Variants in SASS6 observed in about 807,000 individuals in gnomAD.
The protein encoded by SASS6 is SAS-6 centriolar assembly protein.
A neutral mutation model predicts 94.9 loss-of-function variants in SASS6; 59 were observed. The ratio of observed to expected loss-of-function variants is 0.62; its 90% CI spans 0.50 to 0.77. SASS6 has a LOEUF of 0.77. SASS6 is among the 30% of genes least tolerant of loss of function. The pLI is 0.00. For synonymous variants in SASS6, 264 were observed against 270.0 expected (o/e 0.98, Z 0.22); for missense variants, 698 against 734.1 (o/e 0.95, Z 0.57).
Position 100,085,591 on chromosome 1 carries a change from T to C in SASS6, c.1812A>G (p.Lys604=). 3 of 1,612,952 alleles carry C rather than the reference T, an allele frequency of 1.9e-6. No homozygotes were observed. Among genetic ancestry groups the C allele is most frequent in the Non-Finnish European group, 2.5e-6 (3 of 1,179,206 alleles). ...NVGLESKYLK[K]REDSIPLRGL... is the part of the protein sequence containing the mutation. Reference sequence around the variant, plus strand: ...CGCGTAAAGGAATGCTATCTTCCCTTTTCTTCAGGTATTTGGATTCCAACC... The same window carrying C: ...CGCGTAAAGGAATGCTATCTTCCCTCTTCTTCAGGTATTTGGATTCCAACC... Residue 604 remains lysine (K), a synonymous_variant, in exon 16 of 17, where the codon AAA becomes AAG. Coordinates refer to ENST00000287482, the MANE Select transcript of SASS6 (RefSeq NM_194292.3).
chr1:100,132,914 G>C lies in SASS6; in HGVS notation c.-100C>G, dbSNP rs1655202575. ...GGTCCTGATAAAGTTTGAGTTTGGC[G>C]CTCGGCTTCTGCGGAGGAGGCGGGG... is the stretch of plus-strand genomic sequence containing the variant. On this transcript the variant is annotated 5_prime_UTR_variant, in exon 1 of 17. Coordinates refer to ENST00000287482, the MANE Select transcript of SASS6 (RefSeq NM_194292.3). The C allele has an allele frequency of 8.2e-7, 1 of 1,216,220 alleles. No individual in the cohort carries two copies. The highest frequency in any genetic ancestry group is 1.2e-6 in the Non-Finnish European group (1 of 835,872). The allele number at this position is 1,216,220 out of a possible 1,614,324, so 75.3% of individuals were successfully genotyped here.
intron 14 of SASS6, among the ~76,000 whole-genome samples, chr1:100,101,376 G>A (rs987579237): frequency 4.0e-5 from 6 of 150,770 alleles, no homozygotes; most frequent in African/African-American, 1.2e-4. Flanking sequence ...AAAAGAATAT[G>A]GAGATCACCG....
intron 1 of SASS6, among the ~76,000 whole-genome samples, chr1:100,130,923 G>GAGCC (rs1654959029): frequency 6.6e-6 from 1 of 152,164 alleles, no homozygotes; most frequent in African/African-American, 2.4e-5. Context: ...CGAAAACAGT[G>GAGCC]AGCCAACTGG....
At position 100,107,854 on chromosome 1, in the gene SASS6, C is replaced by G. The variant is rs199910652; in HGVS notation, c.1012G>C (p.Val338Leu). ...EQEIKDKDQLVLRTKEAFDTI... is the reference protein window; with the variant it reads ...EQEIKDKDQLLLRTKEAFDTI... ...TCAAATGCCTCTTTTGTTCTTAAAACAAGCTGGTCCTTATCCTTGATTTCC... is the reference window on the plus strand; with the variant it reads ...TCAAATGCCTCTTTTGTTCTTAAAAGAAGCTGGTCCTTATCCTTGATTTCC... The change falls in exon 9 of 17, where the codon GTT (valine) becomes CTT (leucine). Residue 338 changes from valine to leucine, a missense_variant. By Grantham distance (32) the Val-to-Leu change is conservative. Coordinates refer to ENST00000287482, the MANE Select transcript of SASS6 (RefSeq NM_194292.3). The G allele has an allele frequency of 6.2e-7, 1 of 1,612,966 alleles. No homozygotes were observed. The highest frequency in any genetic ancestry group is 2.2e-5 in the East Asian group (1 of 44,772).
intron 5 of SASS6, among the ~76,000 whole-genome samples, chr1:100,120,824 G>A (rs924338450): frequency 1.3e-5 from 2 of 152,070 alleles, no homozygotes; most frequent in Non-Finnish European, 2.9e-5. Context: ...GCCGAGGCGG[G>A]CGGATCACGA....
chr1:100,106,772 T>C (rs1652940732), intron 12 of SASS6, 140 bp downstream of exon 12: 1 of 546,588 alleles, frequency 1.8e-6, no homozygotes, highest in African/African-American at 2.0e-5. Flanking sequence ...GAGGATAACT[T>C]GAACCAAAGT....
At chr1:100,093,826 A>C (rs746811451) in intron 14 of SASS6, among the ~76,000 whole-genome samples, 5 of 152,200 alleles carry the variant, frequency 3.3e-5, no homozygotes, top group Admixed American at 6.5e-5. Flanking sequence ...TACAAATACC[A>C]AAATTTGTGA....
chr1:100,121,408 T>C lies in SASS6; in HGVS notation c.453A>G (p.Lys151=), dbSNP rs1431685405. The change falls in exon 5 of 17, where the codon AAA becomes AAG. Residue 151 remains lysine, a synonymous_variant. Coordinates refer to ENST00000287482, the MANE Select transcript of SASS6 (RefSeq NM_194292.3). ...LLPGNDVEIK[K]FLAGCLKCSK... ...TACATTTCAAACAGCCTGCGAGAAA[T>C]TTCTTTATCTCCACATCATTTCCAG... 1 of 1,582,158 alleles carries C rather than the reference T, an allele frequency of 6.3e-7. No individual in the cohort carries two copies.
chr1:100,127,424 C>T (rs1289835784), intron 1 of SASS6, among the ~76,000 whole-genome samples: 1 of 152,114 alleles, frequency 6.6e-6, no homozygotes, highest in Non-Finnish European at 1.5e-5. Flanking sequence ...TTTTTTAATG[C>T]TGACTTGTAA....
chr1:100,088,297 G>T, intron 14 of SASS6, 61 bp from the exon 15 acceptor site: 1 of 826,362 alleles, frequency 1.2e-6, no homozygotes, highest in Non-Finnish European at 2.1e-6. Context: ...GTTTTGGGCA[G>T]AGGGGGGATT....
chr1:100,112,358 TAATAC>T (rs1012928548), intron 7 of SASS6, among the ~76,000 whole-genome samples: 2 of 151,848 alleles, frequency 1.3e-5, no homozygotes, highest in African/African-American at 4.8e-5. Context: ...ATTAAGAAAA[TAATAC>T]AATAAATAGA....
intron 7 of SASS6, among the ~76,000 whole-genome samples, chr1:100,114,716 T>C (rs1213008713): frequency 2.0e-5 from 3 of 151,906 alleles, no homozygotes; most frequent in African/African-American, 7.2e-5. Context: ...AGACTCTGTC[T>C]CTAAAATTAA....
Position 100,119,151 on chromosome 1 carries a change from T to C in SASS6, c.550-14A>G, listed in dbSNP as rs750061360. ...TTCTGCTAATGTCTACATTAGAGTTTAACACAAAATATTAAGATAGGCTCC... is the reference window on the plus strand; with the variant it reads ...TTCTGCTAATGTCTACATTAGAGTTCAACACAAAATATTAAGATAGGCTCC... On this transcript the variant is annotated splice_polypyrimidine_tract_variant and intron_variant, in intron 6 of 16. Coordinates refer to ENST00000287482, the MANE Select transcript of SASS6 (RefSeq NM_194292.3). 1 of 1,412,934 alleles carries C rather than the reference T, an allele frequency of 7.1e-7. No individual in the cohort carries two copies. The highest frequency in any genetic ancestry group is 9.7e-7 in the Non-Finnish European group (1 of 1,032,244). 87.5% of individuals were successfully genotyped at this position (1,412,934 alleles called of 1,614,324 possible).
At chr1:100,118,640 C>A (rs1387570320) in intron 7 of SASS6, among the ~76,000 whole-genome samples, 1 of 152,088 alleles carries the variant, frequency 6.6e-6, no homozygotes. Flanking sequence ...TTAACTGATA[C>A]AGAATGGTAT....
chr1:100,105,906 TAAATA>T lies in SASS6; in HGVS notation c.1409-8_1409-4del. 1 of 1,578,440 alleles carries T rather than the reference TAAATA, an allele frequency of 6.3e-7. No individual in the cohort carries two copies. The highest frequency in any genetic ancestry group is 8.6e-7 in the Non-Finnish European group (1 of 1,158,100). ...TTCTTTATTTAACCACGTGATTACT[TAAATA>T]AAAGAACAAGAAGCAAGGTAAAGAA... On this transcript the variant is annotated splice_region_variant and splice_polypyrimidine_tract_variant and intron_variant, in intron 12 of 16. Transcript: ENST00000287482.
chr1:100,097,545 C>T (rs985761656), intron 14 of SASS6, among the ~76,000 whole-genome samples: 12 of 152,136 alleles, frequency 7.9e-5, no homozygotes, highest in African/African-American at 2.9e-4. Flanking sequence ...AAGATATGGG[C>T]CAGGCATGGT....
chr1:100,086,403 A>T (rs1651268801), intron 15 of SASS6, among the ~76,000 whole-genome samples: 1 of 152,168 alleles, frequency 6.6e-6, no homozygotes, highest in Non-Finnish European at 1.5e-5. Context: ...AAAAACTCAA[A>T]ATCACTGAAC....
intron 7 of SASS6, among the ~76,000 whole-genome samples, chr1:100,118,297 A>G (rs1653937245): frequency 1.5e-5 from 2 of 133,724 alleles, no homozygotes; most frequent in African/African-American, 5.7e-5. Flanking sequence ...CCTGGGCAAC[A>G]AAAGCAAAAC....
chr1:100,085,010 CAG>C lies in SASS6; in HGVS notation c.*316_*317del, dbSNP rs1326666614. 1.4e-4 allele frequency: 29 copies of C among 210,410 alleles called. No homozygotes were observed. The highest frequency in any genetic ancestry group is 1.7e-3 in the Middle Eastern group (1 of 590). 13.0% of individuals were successfully genotyped at this position (210,410 alleles called of 1,614,324 possible). On this transcript the variant is annotated 3_prime_UTR_variant, in exon 17 of 17. Coordinates refer to ENST00000287482, the MANE Select transcript of SASS6 (RefSeq NM_194292.3). The stretch of plus-strand genomic sequence containing the variant: ...AGTTTACCCAGATTTTTAATATGAT[CAG>C]AATCTCCCTCATAAGGATCAACTCT...
Sources: gnomAD v4.1 joint callset for allele counts (sites outside exome capture counted in the v4.1 genomes callset) on GRCh38, gnomAD v4.1.1 for gene constraint, MANE v1.5 for transcripts, NCBI Gene and HGNC (gene_info 2026-07-23, HGNC 2026-07-21) for gene names.